Variants in CS observed in about 807,000 individuals in gnomAD.
CS encodes citrate synthase, also known as citrate synthase, mitochondrial.
CS carries 13 observed loss-of-function variants against 61.4 expected under a neutral mutation model. The observed-to-expected ratio is 0.21, with a 90% CI of 0.14 to 0.34. The LOEUF is 0.34. Ranked by LOEUF, CS falls within the 10% of genes least tolerant of loss-of-function variation. CS has a pLI of 1.00. For synonymous variants in CS, 159 were observed against 215.2 expected, an observed-to-expected ratio of 0.74 and a Z score of 2.29; for missense variants, 278 against 573.4, an observed-to-expected ratio of 0.48 and a Z score of 5.26.
intron 4 of CS, among the ~76,000 whole-genome samples, chr12:56,283,344 C>T (rs1161356587): frequency 1.3e-5 from 2 of 152,112 alleles, no homozygotes; most frequent in African/African-American, 2.4e-5. Flanking sequence ...CCTGGGTTCA[C>T]GCCATTCTCC....
rs1190260476 is a variant in CS at position 56,280,416 on chromosome 12, C to CAAA, written c.588+2001_588+2003dup. 2.2e-3 allele frequency among the ~76,000 whole-genome samples: 197 copies of CAAA among 89,788 alleles called. 15 individuals are homozygous for CAAA. The highest frequency in any genetic ancestry group is 8.8e-3 in the Middle Eastern group (1 of 114). 58.9% of individuals were successfully genotyped at this position (89,788 alleles called of 152,430 possible). ...GGTGACAGTGCAAGACACCGTCTCC[C>CAAA]AAAAAAAACAAAAAAAAAAAACAAA... On this transcript the variant is annotated intron_variant, in intron 6 of 10. Coordinates refer to ENST00000351328, the MANE Select transcript of CS (RefSeq NM_004077.3).
rs1392405296 is a variant in CS at position 56,284,630 on chromosome 12, A to G, written c.202-773T>C. 2.7e-5 allele frequency among the ~76,000 whole-genome samples: 4 copies of G among 145,736 alleles called. No individual in the cohort carries two copies. In the East Asian group the frequency reaches 8.3e-4, roughly 30 times the overall value. On this transcript the variant is annotated intron_variant, in intron 3 of 10. Coordinates refer to ENST00000351328, the MANE Select transcript of CS (RefSeq NM_004077.3). ...AAGAAATGGGGTTTAGGCCGGGTGC[A>G]GTGGCTCACGCCTGTAATCCCAGCA...
chr12:56,291,134 T>C lies in CS; in HGVS notation c.43-4489A>G, dbSNP rs539954724. 2.5e-4 allele frequency: 160 copies of C among 630,028 alleles called. No homozygotes were observed. In the African/African-American group the frequency reaches 3.2e-3, roughly 12 times the overall value. The allele number at this position is 630,028 out of a possible 1,614,324, so 39.0% of individuals were successfully genotyped here. On this transcript the variant is annotated intron_variant, in intron 1 of 10. Coordinates refer to ENST00000351328, the MANE Select transcript of CS (RefSeq NM_004077.3). ...TTAAGTAAACTAAATAAAATAATTT[T>C]CATAAAAGCATCTAGAACAGTGCTT...
chr12:56,286,582 T>G lies in CS; in HGVS notation c.93+13A>C, dbSNP rs1235226012. 7 of 1,613,714 alleles carry G rather than the reference T, an allele frequency of 4.3e-6. No homozygotes were observed. The South Asian group carries it at 7.7e-5, about 18-fold the overall frequency. On this transcript the variant is annotated intron_variant, in intron 2 of 10. Transcript: ENST00000351328. ...AATGATTCTTATTCTTAGTCTTCTT[T>G]TCCAAACCTTACCGTGGAGGAAGCA... is the stretch of plus-strand genomic sequence containing the variant.
rs1291383829 is a variant in CS at position 56,299,982 on chromosome 12, A to G, written c.42+178T>C. 5 of 585,090 alleles carry G rather than the reference A, an allele frequency of 8.5e-6. No homozygotes were observed. In the Admixed American group the frequency reaches 2.0e-4, roughly 23 times the overall value. 36.2% of individuals were successfully genotyped at this position (585,090 alleles called of 1,614,324 possible). A position where few individuals can be genotyped will look rare whatever the true frequency, so the allele number is the denominator to read the frequency against. On this transcript the variant is annotated intron_variant, in intron 1 of 10. Transcript: ENST00000351328. ...CGTGCACTTCACCCCCAGGAGCCAG[A>G]AGGGAAGCGCGGCACATGGTCCTGT... is the stretch of plus-strand genomic sequence containing the variant.
chr12:56,290,457 A>G (rs1393434341), intron 1 of CS, among the ~76,000 whole-genome samples: 2 of 147,038 alleles, frequency 1.4e-5, no homozygotes, highest in East Asian at 4.1e-4. Flanking sequence ...GTGATCCACC[A>G]CCTCGGCCTC....
In CS at chr12:56,273,692, C is replaced by T. The variant is rs2135908507; in HGVS notation, c.1125G>A (p.Lys375=). The T allele has an allele frequency of 6.2e-7, 1 of 1,614,190 alleles. No individual in the cohort carries two copies. The highest frequency in any genetic ancestry group is 8.5e-7 in the Non-Finnish European group (1 of 1,180,028). ...LKHLPNDPMF[K]LVAQLYKIVP... ...CAATCTTGTACAGCTGAGCAACCAA[C>T]TTAAACATGGGGTCATTAGGCAGGT... The change falls in exon 10 of 11, where the codon AAG becomes AAA. Residue 375 remains lysine (K), a synonymous_variant. Coordinates refer to ENST00000351328, the MANE Select transcript of CS (RefSeq NM_004077.3).
chr12:56,274,319 T>TAA, intron 9 of CS: 2 of 78,630 alleles, frequency 2.5e-5, no homozygotes, highest in South Asian at 6.7e-4. Flanking sequence ...AAGACTGTCT[T>TAA]TAAAAAAAAA....
chr12:56,283,036 G>T, intron 4 of CS, 45 bp from the exon 5 acceptor site: 7 of 1,607,416 alleles, frequency 4.4e-6, no homozygotes, highest in Non-Finnish European at 6.0e-6. Flanking sequence ...TTATAGCCTA[G>T]AAGTCACACG....
chr12:56,298,066 T>C (rs1873365175), intron 1 of CS, among the ~76,000 whole-genome samples: 1 of 151,712 alleles, frequency 6.6e-6, no homozygotes, highest in African/African-American at 2.4e-5. Context: ...TGGAGCGATC[T>C]GGGCTCACCA....
intron 1 of CS, among the ~76,000 whole-genome samples, chr12:56,294,473 CA>C (rs1227364181): frequency 0.088 from 3,249 of 37,014 alleles, 26 homozygotes; most frequent in Non-Finnish European, 0.13. Flanking sequence ...GACTCTGTCT[CA>C]AAAAAAAAAA....
chr12:56,283,880 GAA>G (rs760421792), intron 3 of CS, 23 bp from the exon 4 acceptor site: 6 of 1,388,878 alleles, frequency 4.3e-6, no homozygotes, highest in Non-Finnish European at 5.9e-6. Flanking sequence ...AAGAAAGAAG[GAA>G]AAAAAAAAGA....
chr12:56,275,956 T>C, intron 7 of CS, 40 bp downstream of exon 7: 1 of 1,586,022 alleles, frequency 6.3e-7, no homozygotes, highest in Non-Finnish European at 8.7e-7. Flanking sequence ...TTCCCACCAA[T>C]TGAGGCACCT....
At chr12:56,280,039 G>C (rs868480985) in intron 6 of CS, among the ~76,000 whole-genome samples, 15 of 152,026 alleles carry the variant, frequency 9.9e-5, no homozygotes, top group Non-Finnish European at 8.8e-5. Context: ...CAGCACTTTG[G>C]GGAAGAGGTG....
intron 1 of CS, among the ~76,000 whole-genome samples, chr12:56,287,875 C>G (rs550204509): frequency 8.5e-5 from 13 of 152,198 alleles, no homozygotes; most frequent in Non-Finnish European, 1.8e-4. Flanking sequence ...CCACGCTGGT[C>G]TCAAACTCCT....
At chr12:56,296,711 A>G (rs569784000) in intron 1 of CS, among the ~76,000 whole-genome samples, 1 of 152,210 alleles carries the variant, frequency 6.6e-6, no homozygotes, top group South Asian at 2.1e-4. Flanking sequence ...GCTACCTACC[A>G]TACTATTCTT....
intron 2 of CS, 64 bp downstream of exon 2, chr12:56,286,531 C>T (rs1872943151): frequency 6.6e-7 from 1 of 1,504,146 alleles, no homozygotes; most frequent in East Asian, 2.3e-5. Context: ...TTGCCAAATC[C>T]TCTGCCCCAA....
Position 56,273,413 on chromosome 12 carries a change from T to C in CS, c.1231-159A>G. 6.2e-6 allele frequency: 6 copies of C among 974,348 alleles called. No individual in the cohort carries two copies. In the South Asian group the frequency reaches 8.4e-5, roughly 14 times the overall value. 60.4% of individuals were successfully genotyped at this position (974,348 alleles called of 1,614,324 possible). A position where few individuals can be genotyped will look rare whatever the true frequency, so the allele number is the denominator to read the frequency against. On this transcript the variant is annotated intron_variant, in intron 10 of 10. Transcript: ENST00000351328. Reference sequence around the variant, plus strand: ...AATGACACTGAGAAAAGTATAGCAATTGGGATTCTGAAAACAGAGCAACCC... The same window carrying C: ...AATGACACTGAGAAAAGTATAGCAACTGGGATTCTGAAAACAGAGCAACCC...
intron 6 of CS, among the ~76,000 whole-genome samples, chr12:56,276,563 CAG>C (rs1476787975): frequency 6.6e-6 from 1 of 152,158 alleles, no homozygotes; most frequent in Non-Finnish European, 1.5e-5. Flanking sequence ...TTTTCTGAGA[CAG>C]AGTTTCACTC....
Sources: gnomAD v4.1 joint callset for allele counts (sites outside exome capture counted in the v4.1 genomes callset) on GRCh38, gnomAD v4.1.1 for gene constraint, MANE v1.5 for transcripts, NCBI Gene and HGNC (gene_info 2026-07-23, HGNC 2026-07-21) for gene names.